IGSF21: variants seen among roughly 807,000 people sequenced by gnomAD.
The protein encoded by IGSF21 is immunoglobin superfamily member 21, also known as immunoglobulin superfamily member 21.
A neutral mutation model predicts 46.8 loss-of-function variants in IGSF21; 28 were observed. That is an observed-to-expected ratio of 0.60 (90% confidence interval 0.44 to 0.82). IGSF21 has a LOEUF of 0.82. Ranked by LOEUF, IGSF21 falls within the 40% of genes least tolerant of loss-of-function variation. The probability of loss-of-function intolerance (pLI) is 0.00; values close to 1 mark genes in which losing one functional copy is unlikely to be tolerated. For synonymous variants in IGSF21, 284 were observed against 273.6 expected, an observed-to-expected ratio of 1.04 and a Z score of -0.38; for missense variants, 624 against 665.5, an observed-to-expected ratio of 0.94 and a Z score of 0.69.
intron 2 of IGSF21, among the ~76,000 whole-genome samples, chr1:18,247,624 G>A (rs184992366): frequency 3.6e-4 from 55 of 152,192 alleles, no homozygotes; most frequent in Non-Finnish European, 4.9e-4. Flanking sequence ...CCCTGGATGG[G>A]GTATCGCAGG....
intron 1 of IGSF21, among the ~76,000 whole-genome samples, chr1:18,146,496 T>G (rs938784863): frequency 1.3e-5 from 2 of 152,084 alleles, no homozygotes; most frequent in Non-Finnish European, 2.9e-5. Flanking sequence ...GGATCACTGC[T>G]CCAACGCAGG....
chr1:18,302,535 C>T (rs1043083617), intron 3 of IGSF21, among the ~76,000 whole-genome samples: 1 of 152,180 alleles, frequency 6.6e-6, no homozygotes, highest in Non-Finnish European at 1.5e-5. Context: ...TGATATTCTT[C>T]TCTTCTTTCT....
chr1:18,174,658 C>T (rs2086777487), intron 1 of IGSF21, among the ~76,000 whole-genome samples: 1 of 152,204 alleles, frequency 6.6e-6, no homozygotes, highest in Admixed American at 6.5e-5. Flanking sequence ...CAGTTTTGCC[C>T]ACCCGATTCC....
At chr1:18,298,584 T>A (rs1249825648) in intron 3 of IGSF21, among the ~76,000 whole-genome samples, 2 of 152,160 alleles carry the variant, frequency 1.3e-5, no homozygotes, top group Admixed American at 1.3e-4. Context: ...AAGCCAATGC[T>A]GGGCTGCACC....
At chr1:18,369,570 T>A (rs1485419357) in intron 6 of IGSF21, among the ~76,000 whole-genome samples, 1 of 152,174 alleles carries the variant, frequency 6.6e-6, no homozygotes, top group Non-Finnish European at 1.5e-5. Context: ...CAGTGGAATG[T>A]GCCATGAGCC....
chr1:18,227,300 G>A (rs1379658876), intron 1 of IGSF21, among the ~76,000 whole-genome samples: 1 of 152,040 alleles, frequency 6.6e-6, no homozygotes. Context: ...TGTTTATGAG[G>A]TTGGAAATGG....
intron 1 of IGSF21, among the ~76,000 whole-genome samples, chr1:18,126,549 C>T (rs988709527): frequency 4.6e-5 from 7 of 152,088 alleles, no homozygotes; most frequent in Non-Finnish European, 1.0e-4. Context: ...TGACCCTGGA[C>T]CCGAGGCTCA....
intron 2 of IGSF21, among the ~76,000 whole-genome samples, chr1:18,230,958 G>A (rs370456582): frequency 2.0e-5 from 3 of 151,462 alleles, no homozygotes; most frequent in African/African-American, 4.9e-5. Flanking sequence ...GGGAGCTGCC[G>A]AGTGCTGTTT....
At chr1:18,320,313 C>T (rs893135484) in intron 3 of IGSF21, among the ~76,000 whole-genome samples, 1 of 151,092 alleles carries the variant, frequency 6.6e-6, no homozygotes, top group Admixed American at 6.7e-5. Context: ...TGACCTTCCC[C>T]GCCTTCAGCA....
At chr1:18,220,174 C>A (rs1418682595) in intron 1 of IGSF21, among the ~76,000 whole-genome samples, 1 of 152,160 alleles carries the variant, frequency 6.6e-6, no homozygotes, top group African/African-American at 2.4e-5. Context: ...TCTCCCTTAC[C>A]ACCGTGCTGT....
At chr1:18,285,090 A>G (rs2085199750) in intron 2 of IGSF21, among the ~76,000 whole-genome samples, 2 of 152,200 alleles carry the variant, frequency 1.3e-5, no homozygotes, top group Admixed American at 6.6e-5. Context: ...TAAGTGGGAT[A>G]TCAAGTTTAT....
intron 3 of IGSF21, among the ~76,000 whole-genome samples, chr1:18,316,330 T>C (rs2085542883): frequency 1.3e-5 from 2 of 152,222 alleles, no homozygotes. Flanking sequence ...TATTGGAGAA[T>C]GGAAGTCTCC....
intron 6 of IGSF21, among the ~76,000 whole-genome samples, chr1:18,374,632 AGACCCATGTG>A (rs1394274213): frequency 6.6e-6 from 1 of 152,092 alleles, no homozygotes; most frequent in African/African-American, 2.4e-5. Flanking sequence ...ATGCTTCCCT[AGACCCATGTG>A]GCATTTCAGA....
rs2085570929 is a variant in IGSF21, at chr1:18,318,846, T to G, written c.306-16046T>G. Among the ~76,000 whole-genome samples, 4 of 152,238 alleles carry G rather than the reference T, an allele frequency of 2.6e-5. No individual in the cohort carries two copies. The South Asian group carries it at 8.3e-4, about 32-fold the overall frequency. Reference sequence around the variant, plus strand: ...AAAACCAGGAGATTTTACAAACAAATCTATACGTTTGGCTTTGCTTTAAAA... The same window carrying G: ...AAAACCAGGAGATTTTACAAACAAAGCTATACGTTTGGCTTTGCTTTAAAA... On this transcript the variant is annotated intron_variant, in intron 3 of 9. Coordinates refer to ENST00000251296, the MANE Select transcript of IGSF21 (RefSeq NM_032880.5).
chr1:18,316,127 C>T (rs538771376), intron 3 of IGSF21, among the ~76,000 whole-genome samples: 3 of 152,278 alleles, frequency 2.0e-5, no homozygotes, highest in African/African-American at 4.8e-5. Context: ...AGAGGCATCA[C>T]GAGGCCAACT....
intron 3 of IGSF21, among the ~76,000 whole-genome samples, chr1:18,303,946 G>C (rs912789041): frequency 1.3e-5 from 2 of 152,196 alleles, no homozygotes; most frequent in African/African-American, 2.4e-5. Flanking sequence ...TATTCTTAGA[G>C]TGATGAGGAG....
intron 1 of IGSF21, among the ~76,000 whole-genome samples, chr1:18,199,329 C>T (rs1416132069): frequency 1.3e-5 from 2 of 152,134 alleles, no homozygotes; most frequent in African/African-American, 4.8e-5. Flanking sequence ...GAGGATAGTG[C>T]TAGAACTCAC....
chr1:18,337,178 G>A lies in IGSF21; in HGVS notation c.424+2168G>A, dbSNP rs1327832351. 6.6e-6 allele frequency among the ~76,000 whole-genome samples: 1 copy of A among 152,086 alleles called. No individual in the cohort carries two copies. Among genetic ancestry groups the A allele is most frequent in the Admixed American group, 6.5e-5 (1 of 15,270 alleles). ...CTGAGTCCCTTACTCCATCCACTAG[G>A]TGAGGAAACTGAGGCACAGAGTGAT... is the stretch of plus-strand genomic sequence containing the variant. On this transcript the variant is annotated intron_variant, in intron 4 of 9. Coordinates refer to ENST00000251296, the MANE Select transcript of IGSF21 (RefSeq NM_032880.5). The surrounding 1 kb of genome is among the most constrained non-coding windows in gnomAD (Gnocchi z 5.7).
chr1:18,295,926 G>A lies in IGSF21; in HGVS notation c.305+3939G>A, dbSNP rs181609216. ...AAAGTACAAGCTCCTCCTTCACCTC[G>A]TATGCCCAGCTCTCAGCCCAGGGCC... On this transcript the variant is annotated intron_variant, in intron 3 of 9. Transcript: ENST00000251296. 1.5e-4 allele frequency among the ~76,000 whole-genome samples: 23 copies of A among 152,320 alleles called. 1 individual carries two copies. The East Asian group carries it at 4.0e-3, about 27-fold the overall frequency.
Sources: gnomAD v4.1 joint callset for allele counts (sites outside exome capture counted in the v4.1 genomes callset) on GRCh38, gnomAD v4.1.1 for gene constraint, Gnocchi (gnomAD v3.1) non-coding constraint, MANE v1.5 for transcripts, NCBI Gene and HGNC (gene_info 2026-07-23, HGNC 2026-07-21) for gene names.